The following PLCZ1 variants were observed in gnomAD, a reference collection of about 807,000 sequenced individuals.
PLCZ1 encodes 1-phosphatidylinositol 4,5-bisphosphate phosphodiesterase zeta-1.
PLCZ1 carries 64 observed loss-of-function variants against 76.8 expected under a neutral mutation model. The observed-to-expected ratio is 0.83, with a 90% confidence interval of 0.68 to 1.03. The LOEUF (loss-of-function observed/expected upper bound fraction) is 1.03. Among genes scored for constraint, PLCZ1 ranks in the 50% least tolerant of loss-of-function variants. The pLI, the probability that PLCZ1 is intolerant of heterozygous loss-of-function variation, is 0.00. For missense variants in PLCZ1, 751 were observed against 713.7 expected, an observed-to-expected ratio of 1.05 and a Z score of -0.60; for synonymous variants, 248 against 230.8, an observed-to-expected ratio of 1.07 and a Z score of -0.68.
chr12:18,695,778 C>G (rs912292395), intron 11 of PLCZ1, among the ~76,000 whole-genome samples: 4 of 152,090 alleles, frequency 2.6e-5, no homozygotes, highest in Non-Finnish European at 5.9e-5. Flanking sequence ...AATGTAGAAG[C>G]TCATGTAAAG....
At chr12:18,730,118 G>T (rs1958960585) in intron 3 of PLCZ1, among the ~76,000 whole-genome samples, 1 of 152,044 alleles carries the variant, frequency 6.6e-6, no homozygotes, top group Admixed American at 6.6e-5. Flanking sequence ...TTTTTAACTT[G>T]CCAAGTAGTA....
At chr12:18,664,552 A>T in the PLCZ1 span, among the ~76,000 whole-genome samples, 1 of 152,156 alleles carries the variant, frequency 6.6e-6, no homozygotes, top group Non-Finnish European at 1.5e-5. Flanking sequence ...TTTATATGAG[A>T]TACTTAAAGT....
intron 6 of PLCZ1, among the ~76,000 whole-genome samples, chr12:18,712,228 C>T (rs1275639321): frequency 1.3e-5 from 2 of 152,174 alleles, no homozygotes; most frequent in East Asian, 1.9e-4. Flanking sequence ...AAATTAGCCA[C>T]GTTTATAAAT....
At chr12:18,647,815 C>CA in the PLCZ1 span, 21 of 1,013,932 alleles carry the variant, frequency 2.1e-5, no homozygotes, top group Admixed American at 7.2e-5. Context: ...AAGCAATACT[C>CA]AAAAAAGAGA....
chr12:18,698,139 C>T (rs1310005763), intron 10 of PLCZ1, among the ~76,000 whole-genome samples: 1 of 151,846 alleles, frequency 6.6e-6, no homozygotes, highest in Non-Finnish European at 1.5e-5. Flanking sequence ...CTCTCTTAAC[C>T]ACACCTTACA....
chr12:18,683,375 G>T, intron 14 of PLCZ1, 51 bp from the exon 15 acceptor site: 1 of 1,561,406 alleles, frequency 6.4e-7, no homozygotes. Flanking sequence ...AATCAGTGGT[G>T]TCTCCAATAG....
intron 9 of PLCZ1, among the ~76,000 whole-genome samples, chr12:18,701,042 T>C (rs1417041023): frequency 6.6e-6 from 1 of 151,820 alleles, no homozygotes; most frequent in African/African-American, 2.4e-5. Flanking sequence ...TGGAGTGCAA[T>C]GGCTCGATCT....
chr12:18,735,363 T>C (rs1959194637), intron 3 of PLCZ1, among the ~76,000 whole-genome samples: 1 of 152,168 alleles, frequency 6.6e-6, no homozygotes. Flanking sequence ...AATTCACCTG[T>C]GAAGTCATTT....
chr12:18,698,143 C>A (rs1410632984), intron 10 of PLCZ1, among the ~76,000 whole-genome samples: 4 of 151,900 alleles, frequency 2.6e-5, no homozygotes, highest in Non-Finnish European at 4.4e-5. Context: ...CTTAACCACA[C>A]CTTACAGCAA....
chr12:18,719,349 G>A (rs1054306121), intron 5 of PLCZ1, 82 bp downstream of exon 5: 47 of 732,768 alleles, frequency 6.4e-5, no homozygotes, highest in Non-Finnish European at 8.3e-5. Context: ...TTTTTATTGT[G>A]CACTCTTGCC....
rs374067831 is a variant in PLCZ1, at chr12:18,727,688, G to A, written c.136-4146C>T. ...CACAGTGAGAAATTTAGACTTCTTT[G>A]GAAAGAATAAAGAGTTATTGATCAG... On this transcript the variant is annotated intron_variant, in intron 3 of 14. Transcript: ENST00000266505. Among the ~76,000 whole-genome samples the A allele has an allele frequency of 1.2e-3, 181 of 152,208 alleles. 1 individual carries two copies. The highest frequency in any genetic ancestry group is 4.1e-3 in the African/African-American group (172 of 41,554).
At chr12:18,656,541 G>A in the PLCZ1 span, among the ~76,000 whole-genome samples, 1 of 152,144 alleles carries the variant, frequency 6.6e-6, no homozygotes. Context: ...CTCCAGCCTG[G>A]GCGACAGAGC....
chr12:18,672,916 G>A, the PLCZ1 span, among the ~76,000 whole-genome samples: 1 of 152,164 alleles, frequency 6.6e-6, no homozygotes, highest in Non-Finnish European at 1.5e-5. Context: ...AAGAGAAAAT[G>A]TCTGGCTCAG....
chr12:18,727,462 C>A (rs1286767260), intron 3 of PLCZ1, among the ~76,000 whole-genome samples: 1 of 152,082 alleles, frequency 6.6e-6, no homozygotes, highest in African/African-American at 2.4e-5. Context: ...AAAAAGTGAT[C>A]CTGGAACTGA....
At chr12:18,659,491 G>A in the PLCZ1 span, among the ~76,000 whole-genome samples, 1 of 151,980 alleles carries the variant, frequency 6.6e-6, no homozygotes, top group Non-Finnish European at 1.5e-5. Flanking sequence ...AAAATACCAT[G>A]ATCAAAATCA....
At chr12:18,685,620 A>C (rs759644297) in intron 13 of PLCZ1, 6 of 516,438 alleles carry the variant, frequency 1.2e-5, no homozygotes, top group African/African-American at 1.2e-4. Context: ...ATAGTAAACT[A>C]ATTGGCTCAT....
At chr12:18,680,510 C>T (rs1452674376), downstream of PLCZ1, among the ~76,000 whole-genome samples, 1 of 151,996 alleles carries the variant, frequency 6.6e-6, no homozygotes, top group Non-Finnish European at 1.5e-5. Context: ...ATTTCCCAGA[C>T]AAAAGTCCAG....
intron 6 of PLCZ1, among the ~76,000 whole-genome samples, chr12:18,707,735 C>T (rs1412097781): frequency 6.6e-6 from 1 of 152,090 alleles, no homozygotes; most frequent in Non-Finnish European, 1.5e-5. Flanking sequence ...ATAGTGACTA[C>T]CTTGAGTAGG....
downstream of PLCZ1, among the ~76,000 whole-genome samples, chr12:18,679,263 A>T (rs149554173): frequency 7.8e-3 from 1,185 of 152,054 alleles, 8 homozygotes; most frequent in Middle Eastern, 0.024. Context: ...TTTCATTATG[A>T]TGTATTCAAA....
Sources: gnomAD v4.1 joint callset for allele counts (sites outside exome capture counted in the v4.1 genomes callset) on GRCh38, gnomAD v4.1.1 for gene constraint, MANE v1.5 for transcripts, NCBI Gene and HGNC (gene_info 2026-07-23, HGNC 2026-07-21) for gene names.